OLFM3: variants seen among roughly 807,000 people sequenced by gnomAD.
OLFM3 encodes the protein noelin-3.
A neutral mutation model predicts 48.6 loss-of-function variants in OLFM3; 20 were observed. That is an observed-to-expected ratio of 0.41 (90% CI 0.29 to 0.60). The LOEUF (loss-of-function observed/expected upper bound fraction) is 0.60, where lower values mean the gene tolerates loss of function less well. Ranked by LOEUF, OLFM3 falls within the 20% of genes least tolerant of loss-of-function variation. The pLI is 0.28. For synonymous variants in OLFM3, 222 were observed against 198.1 expected, an observed-to-expected ratio of 1.12 and a Z score of -1.01; for missense variants, 437 against 544.3, an observed-to-expected ratio of 0.80 and a Z score of 1.96.
intron 1 of OLFM3, among the ~76,000 whole-genome samples, chr1:101,939,683 G>T (rs556751211): frequency 6.6e-6 from 1 of 152,294 alleles, no homozygotes; most frequent in East Asian, 1.9e-4. Context: ...AAATTAAAGC[G>T]ATGCAGGATT....
chr1:101,844,799 C>T (rs2100938850), intron 1 of OLFM3, among the ~76,000 whole-genome samples: 1 of 151,974 alleles, frequency 6.6e-6, no homozygotes, highest in African/African-American at 2.4e-5. Context: ...TTATTTAGCA[C>T]ATATAAGATT....
At chr1:101,835,966 C>T (rs1268959001) in intron 2 of OLFM3, among the ~76,000 whole-genome samples, 1 of 152,114 alleles carries the variant, frequency 6.6e-6, no homozygotes, top group African/African-American at 2.4e-5. Context: ...TATTAAAAAA[C>T]TTGATTTCAT....
chr1:101,924,387 T>C (rs750103609), intron 1 of OLFM3, among the ~76,000 whole-genome samples: 2 of 152,152 alleles, frequency 1.3e-5, no homozygotes, highest in South Asian at 4.1e-4. Context: ...TGTTTCGACA[T>C]TGAATCTGAA....
intron 1 of OLFM3, among the ~76,000 whole-genome samples, chr1:101,973,591 G>A (rs1207053793): frequency 3.3e-5 from 5 of 152,160 alleles, no homozygotes; most frequent in Non-Finnish European, 7.4e-5. Flanking sequence ...GCCATGGAAA[G>A]AAAAGCCAAT....
chr1:101,843,839 T>C (rs569235488), intron 1 of OLFM3, among the ~76,000 whole-genome samples: 23 of 152,230 alleles, frequency 1.5e-4, no homozygotes, highest in Non-Finnish European at 3.1e-4. Flanking sequence ...GTAAATCTGC[T>C]TTTCTTAAAC....
At chr1:101,847,318 T>C (rs1174509787) in intron 1 of OLFM3, among the ~76,000 whole-genome samples, 2 of 151,974 alleles carry the variant, frequency 1.3e-5, no homozygotes, top group Non-Finnish European at 2.9e-5. Flanking sequence ...CCATTTCCTC[T>C]GGGGTTTGTG....
intron 1 of OLFM3, among the ~76,000 whole-genome samples, chr1:101,991,281 T>A (rs773532307): frequency 3.9e-5 from 6 of 152,040 alleles, no homozygotes; most frequent in Non-Finnish European, 7.4e-5. Context: ...TAATTTCACA[T>A]AACCTACCAA....
chr1:101,973,890 GC>G (rs1660877322), intron 1 of OLFM3, among the ~76,000 whole-genome samples: 2 of 152,090 alleles, frequency 1.3e-5, no homozygotes, highest in Admixed American at 6.6e-5. Flanking sequence ...GATAAAAAGA[GC>G]AGAGGAAAAA....
intron 1 of OLFM3, among the ~76,000 whole-genome samples, chr1:101,928,696 G>A (rs888009129): frequency 4.6e-5 from 7 of 152,122 alleles, no homozygotes; most frequent in African/African-American, 7.2e-5. Context: ...TATAGATGCA[G>A]CAGCAACTAC....
At chr1:101,836,818 T>C in intron 2 of OLFM3, 61 bp downstream of exon 2, 2 of 1,527,110 alleles carry the variant, frequency 1.3e-6, no homozygotes, top group Non-Finnish European at 9.1e-7. Flanking sequence ...TCTACCATAT[T>C]TCCTTTTGAA....
intron 1 of OLFM3, among the ~76,000 whole-genome samples, chr1:101,963,319 C>T (rs1366072627): frequency 1.3e-5 from 2 of 152,194 alleles, no homozygotes; most frequent in African/African-American, 4.8e-5. Flanking sequence ...ATCAGCTTTT[C>T]CCTTGACCTC....
chr1:101,808,879 T>C (rs1653912423), intron 4 of OLFM3, among the ~76,000 whole-genome samples: 2 of 151,770 alleles, frequency 1.3e-5, no homozygotes, highest in Non-Finnish European at 2.9e-5. Flanking sequence ...ACAGAAGAGA[T>C]AACTCAGAGG....
intron 1 of OLFM3, among the ~76,000 whole-genome samples, chr1:101,927,306 T>C (rs1659301915): frequency 6.6e-6 from 1 of 152,122 alleles, no homozygotes; most frequent in South Asian, 2.1e-4. Flanking sequence ...AGAAAAGAAC[T>C]AGCTTCCTAT....
chr1:101,933,026 A>C (rs550522829), intron 1 of OLFM3, among the ~76,000 whole-genome samples: 1 of 151,718 alleles, frequency 6.6e-6, no homozygotes, highest in South Asian at 2.1e-4. Flanking sequence ...ACACGATGAA[A>C]CCCATCTCTA....
chr1:101,947,719 A>G (rs1019526098), intron 1 of OLFM3, among the ~76,000 whole-genome samples: 2 of 152,230 alleles, frequency 1.3e-5, no homozygotes, highest in African/African-American at 2.4e-5. Flanking sequence ...TAAAAGTGAG[A>G]TAATGTTCCA....
At chr1:101,877,603 G>T (rs1351345318) in intron 1 of OLFM3, among the ~76,000 whole-genome samples, 1 of 151,800 alleles carries the variant, frequency 6.6e-6, no homozygotes, top group Non-Finnish European at 1.5e-5. Flanking sequence ...GGAGAAGAAA[G>T]AGGGAATGAT....
intron 1 of OLFM3, among the ~76,000 whole-genome samples, chr1:101,914,768 A>G (rs1263677345): frequency 6.6e-6 from 1 of 152,212 alleles, no homozygotes; most frequent in Admixed American, 6.5e-5. Context: ...GGTCAAAACA[A>G]TAAAAGAGTT....
At chr1:101,810,981 T>C (rs1654019300) in intron 4 of OLFM3, among the ~76,000 whole-genome samples, 1 of 151,790 alleles carries the variant, frequency 6.6e-6, no homozygotes, top group Admixed American at 6.6e-5. Flanking sequence ...TGGAAAAATA[T>C]ACTCCTGTTG....
At chr1:101,850,266 C>G (rs961671345) in intron 1 of OLFM3, among the ~76,000 whole-genome samples, 1 of 152,022 alleles carries the variant, frequency 6.6e-6, no homozygotes, top group Non-Finnish European at 1.5e-5. Flanking sequence ...ACTATATAAC[C>G]TACAATTGTG....
Sources: gnomAD v4.1 joint callset for allele counts (sites outside exome capture counted in the v4.1 genomes callset) on GRCh38, gnomAD v4.1.1 for gene constraint, MANE v1.5 for transcripts, NCBI Gene and HGNC (gene_info 2026-07-23, HGNC 2026-07-21) for gene names.